The following KLHL24 variants were observed in gnomAD, a reference collection of about 807,000 sequenced individuals.
The protein encoded by KLHL24 is kelch-like protein 24.
In KLHL24, 29 loss-of-function variants were observed where a neutral mutation model predicts 53.4. The ratio of observed to expected loss-of-function variants is 0.54; its 90% confidence interval spans 0.40 to 0.74. The LOEUF is 0.74. KLHL24 is among the 30% of genes least tolerant of loss of function. The pLI, the probability that KLHL24 is intolerant of heterozygous loss-of-function variation, is 0.00. For synonymous variants in KLHL24, 222 were observed against 253.7 expected (o/e 0.88, Z 1.19); for missense variants, 504 against 744.0 (o/e 0.68, Z 3.75).
chr3:183,648,454 C>T (rs1186923561), intron 2 of KLHL24, among the ~76,000 whole-genome samples: 1 of 152,058 alleles, frequency 6.6e-6, no homozygotes, highest in Non-Finnish European at 1.5e-5. Flanking sequence ...GATGGCATCT[C>T]ATTTTTTAGA....
intron 2 of KLHL24, among the ~76,000 whole-genome samples, chr3:183,647,075 T>C (rs1717374261): frequency 6.7e-6 from 1 of 148,240 alleles, no homozygotes; most frequent in Admixed American, 6.7e-5. Context: ...TCTTCCAAAG[T>C]GCTGGGATTG....
At chr3:183,638,253 G>A (rs146033668) in intron 1 of KLHL24, among the ~76,000 whole-genome samples, 1 of 152,216 alleles carries the variant, frequency 6.6e-6, no homozygotes, top group Non-Finnish European at 1.5e-5. Flanking sequence ...ACAGGAAGAA[G>A]AAATAAATTC....
chr3:183,636,344 C>T (rs528553287), intron 1 of KLHL24: 4 of 152,374 alleles, frequency 2.6e-5, no homozygotes, highest in Admixed American at 6.5e-5. Context: ...CCCGTGAAGC[C>T]CCATTAAAGC....
intron 1 of KLHL24, among the ~76,000 whole-genome samples, chr3:183,639,056 C>A (rs998476746): frequency 1.7e-4 from 26 of 151,568 alleles, no homozygotes; most frequent in South Asian, 8.3e-4. Flanking sequence ...CAAAAATTAG[C>A]CGGGTGTGGC....
intron 3 of KLHL24, among the ~76,000 whole-genome samples, chr3:183,656,071 G>C (rs1371355120): frequency 9.6e-6 from 1 of 103,982 alleles, no homozygotes; most frequent in African/African-American, 4.2e-5. Context: ...TTCTGAGACA[G>C]GGTCTCACTC....
chr3:183,644,945 G>T lies in KLHL24; in HGVS notation c.-62+1403G>T, dbSNP rs368130216. Among the ~76,000 whole-genome samples the T allele has an allele frequency of 1.3e-4, 20 of 152,282 alleles. 1 individual carries two copies. Among genetic ancestry groups the T allele is most frequent in the Admixed American group, 5.2e-4 (8 of 15,300 alleles). On this transcript the variant is annotated intron_variant, in intron 2 of 7. Transcript: ENST00000242810. ...GAGAAAGTGAAAATGTATGCAGGAAGAAGCTCACGATTTCCATTGTTGTTA... is the reference window on the plus strand; with the variant it reads ...GAGAAAGTGAAAATGTATGCAGGAATAAGCTCACGATTTCCATTGTTGTTA...
chr3:183,668,603 T>G (rs1384510621), intron 5 of KLHL24, among the ~76,000 whole-genome samples: 1 of 152,030 alleles, frequency 6.6e-6, no homozygotes, highest in Non-Finnish European at 1.5e-5. Context: ...TAGGCTGCAA[T>G]CCTCAAGAAA....
chr3:183,640,340 TC>T lies in KLHL24; in HGVS notation c.-124-3138del, dbSNP rs1576872181. ...ACACTGGAGAAATTCATATTTTTTT[TC>T]CTGTGATTTAAGAGACAATAGTATT... On this transcript the variant is annotated intron_variant, in intron 1 of 7. Coordinates refer to ENST00000242810, the MANE Select transcript of KLHL24 (RefSeq NM_017644.3). Among the ~76,000 whole-genome samples, 4 of 152,322 alleles carry T rather than the reference TC, an allele frequency of 2.6e-5. No homozygotes were observed. The East Asian group carries it at 7.7e-4, about 29-fold the overall frequency.
chr3:183,663,527 A>G lies in KLHL24; in HGVS notation c.990A>G (p.Pro330=), dbSNP rs142420990. 4 of 1,608,530 alleles carry G rather than the reference A, an allele frequency of 2.5e-6. No individual in the cohort carries two copies. Among genetic ancestry groups the G allele is most frequent in the South Asian group, 1.1e-5 (1 of 89,870 alleles). The part of the protein sequence containing the change: ...GCERVGGFNL[P]YTECYDPVTG... Reference sequence around the variant, plus strand: ...AGCGAGTTGGAGGATTTAATCTTCCATACACTGAGTGCTACGATCCTGTAA... The same window carrying G: ...AGCGAGTTGGAGGATTTAATCTTCCGTACACTGAGTGCTACGATCCTGTAA... Residue 330 remains proline (P), a synonymous_variant, in exon 4 of 8, where the codon CCA becomes CCG. Coordinates refer to ENST00000242810, the MANE Select transcript of KLHL24 (RefSeq NM_017644.3). This position sits in a 1 kb window ranked among gnomAD's most constrained non-coding sequence, Gnocchi z 4.9.
intron 1 of KLHL24, among the ~76,000 whole-genome samples, chr3:183,638,991 A>G (rs1055306383): frequency 6.6e-6 from 1 of 151,848 alleles, no homozygotes; most frequent in African/African-American, 2.4e-5. Context: ...ACCTGAGGTC[A>G]GGAGTTCAAG....
At chr3:183,656,390 C>G (rs1398373975) in intron 3 of KLHL24, among the ~76,000 whole-genome samples, 1 of 152,100 alleles carries the variant, frequency 6.6e-6, no homozygotes, top group African/African-American at 2.4e-5. Context: ...CTTCCTGACT[C>G]CCCAACATAA....
chr3:183,643,116 AC>A (rs1716711025), intron 1 of KLHL24: 1 of 152,360 alleles, frequency 6.6e-6, no homozygotes, highest in Non-Finnish European at 1.5e-5. Context: ...TGTAATCCCA[AC>A]TACTAGGGAG....
intron 3 of KLHL24, among the ~76,000 whole-genome samples, chr3:183,652,358 G>T (rs1718241627): frequency 6.6e-6 from 1 of 152,028 alleles, no homozygotes; most frequent in Admixed American, 6.5e-5. Context: ...AGAAATGCTT[G>T]TTATGAGAAA....
intron 1 of KLHL24, chr3:183,642,841 G>A (rs1238372586): frequency 6.6e-6 from 1 of 151,948 alleles, no homozygotes; most frequent in Non-Finnish European, 1.5e-5. Flanking sequence ...CAGAGTGTAT[G>A]TTTTTTCAGT....
rs1721091054 is a variant in KLHL24 at position 183,669,814 on chromosome 3, TGTGGACCCTCAA to T, written c.1225-1215_1225-1204del. ...AGGTTATTTGAGAGGAATGAAATGT[TGTGGACCCTCAA>T]GTGGGTGATGGCAGCGGGAAACGTA... On this transcript the variant is annotated intron_variant, in intron 5 of 7. Coordinates refer to ENST00000242810, the MANE Select transcript of KLHL24 (RefSeq NM_017644.3). 2.0e-5 allele frequency among the ~76,000 whole-genome samples: 3 copies of T among 152,216 alleles called. No individual in the cohort carries two copies. The South Asian group carries it at 6.2e-4, about 32-fold the overall frequency.
chr3:183,661,144 A>G (rs543923470), intron 3 of KLHL24, among the ~76,000 whole-genome samples: 7 of 122,606 alleles, frequency 5.7e-5, no homozygotes, highest in Middle Eastern at 4.4e-3. Flanking sequence ...GGCTGAGGTG[A>G]GAGGCTCACT....
At chr3:183,659,811 A>G (rs369663497) in intron 3 of KLHL24, among the ~76,000 whole-genome samples, 19 of 152,244 alleles carry the variant, frequency 1.2e-4, no homozygotes, top group Admixed American at 5.2e-4. Flanking sequence ...TTGGGGAGAC[A>G]TAATCTCTGA....
chr3:183,640,359 A>G (rs1035765298), intron 1 of KLHL24, among the ~76,000 whole-genome samples: 6 of 152,186 alleles, frequency 3.9e-5, no homozygotes, highest in South Asian at 2.1e-4. Flanking sequence ...TTAAGAGACA[A>G]TAGTATTCTT....
rs895744145 is a variant in KLHL24 at position 183,683,685 on chromosome 3, T to G, written c.*4399T>G. 40 of 152,786 alleles carry G rather than the reference T, an allele frequency of 2.6e-4. No homozygotes were observed. The highest frequency in any genetic ancestry group is 7.9e-4 in the African/African-American group (33 of 41,588). 9.5% of individuals were successfully genotyped at this position (152,786 alleles called of 1,614,324 possible). A position where few individuals can be genotyped will look rare whatever the true frequency, so the allele number is the denominator to read the frequency against. ...CTAGTGCTGATAAAAACAGCAACAT[T>G]CATAACTTATTTTATATATTGTTCC... On this transcript the variant is annotated 3_prime_UTR_variant, in exon 8 of 8. Transcript: ENST00000242810.
Sources: gnomAD v4.1 joint callset for allele counts (sites outside exome capture counted in the v4.1 genomes callset) on GRCh38, gnomAD v4.1.1 for gene constraint, Gnocchi (gnomAD v3.1) non-coding constraint, MANE v1.5 for transcripts, NCBI Gene and HGNC (gene_info 2026-07-23, HGNC 2026-07-21) for gene names.